The following LMBRD2 variants were observed in gnomAD, a reference collection of about 807,000 sequenced individuals.
The protein encoded by LMBRD2 is LMBR1 domain containing 2.
A neutral mutation model predicts 94.4 loss-of-function variants in LMBRD2; 55 were observed. That is an observed-to-expected ratio of 0.58 (90% CI 0.47 to 0.73). The LOEUF is 0.73. Among genes scored for constraint, LMBRD2 ranks in the 30% least tolerant of loss-of-function variants. The pLI is 0.00. For missense variants in LMBRD2, 640 were observed against 831.9 expected (o/e 0.77, Z 2.84); for synonymous variants, 246 against 272.4 (o/e 0.90, Z 0.95).
At chr5:36,106,120 C>T (rs1045805631) in intron 16 of LMBRD2, among the ~76,000 whole-genome samples, 3 of 152,106 alleles carry the variant, frequency 2.0e-5, no homozygotes, top group Non-Finnish European at 2.9e-5. Flanking sequence ...CTTTGTGACT[C>T]CTCTTCTTTT....
chr5:36,149,321 T>C (rs1744631456), intron 1 of LMBRD2, among the ~76,000 whole-genome samples: 1 of 152,084 alleles, frequency 6.6e-6, no homozygotes, highest in African/African-American at 2.4e-5. Flanking sequence ...ACAGAGACTA[T>C]CAGTTCTGGA....
intron 1 of LMBRD2, among the ~76,000 whole-genome samples, chr5:36,147,221 A>T (rs548477255): frequency 2.4e-4 from 37 of 152,300 alleles, no homozygotes; most frequent in African/African-American, 7.0e-4. Context: ...AGGACCAGTG[A>T]TCCCATGAAA....
Position 36,109,932 on chromosome 5 carries a change from A to C in LMBRD2, c.1791+13T>G. 6.4e-7 allele frequency: 1 copy of C among 1,572,310 alleles called. No homozygotes were observed. The stretch of plus-strand genomic sequence containing the variant: ...ATTAATCTTCAGATTACAGAAATTA[A>C]TACTGTACTTACTCTTCTTCGATTT... On this transcript the variant is annotated intron_variant, in intron 15 of 17. Transcript: ENST00000296603.
At chr5:36,105,315 TAAG>T in intron 16 of LMBRD2, 118 bp from the exon 17 acceptor site, 1 of 835,156 alleles carries the variant, frequency 1.2e-6, no homozygotes, top group Non-Finnish European at 1.9e-6. Flanking sequence ...ACAAAGAACA[TAAG>T]AAAAGATAAC....
chr5:36,136,671 C>T, intron 5 of LMBRD2, 152 bp from the exon 6 acceptor site: 1 of 657,772 alleles, frequency 1.5e-6, no homozygotes, highest in Non-Finnish European at 2.6e-6. Context: ...ATATATTTTC[C>T]CAAAGGAAAC....
At chr5:36,133,997 G>A (rs1287329537) in intron 6 of LMBRD2, among the ~76,000 whole-genome samples, 4 of 151,748 alleles carry the variant, frequency 2.6e-5, no homozygotes, top group Non-Finnish European at 4.4e-5. Context: ...TGGATGGAAC[G>A]CTATCAAACT....
In LMBRD2 at chr5:36,122,343, GAACA is replaced by G; in HGVS notation, c.1053_1056del (p.Val352ThrfsTer46). ...TCTGGCTCTGGCGATTGAAAGGTGTGAACAAACTGATGAGTAGCACTAGTTTCAT... is the reference window on the plus strand; with the variant it reads ...TCTGGCTCTGGCGATTGAAAGGTGTGAACTGATGAGTAGCACTAGTTTCAT... On this transcript the variant is annotated frameshift_variant, in exon 9 of 18. Coordinates refer to ENST00000296603, the MANE Select transcript of LMBRD2 (RefSeq NM_001007527.2). LOFTEE classifies it high-confidence loss of function. 6.2e-7 allele frequency: 1 copy of G among 1,612,418 alleles called. No individual in the cohort carries two copies.
intron 1 of LMBRD2, among the ~76,000 whole-genome samples, chr5:36,145,469 A>G (rs1579531136): frequency 6.6e-6 from 1 of 152,232 alleles, no homozygotes; most frequent in African/African-American, 2.4e-5. Flanking sequence ...CAAGTGATCC[A>G]CCTGCCTCAG....
chr5:36,137,507 G>T, intron 4 of LMBRD2, 66 bp from the exon 5 acceptor site: 1 of 1,081,248 alleles, frequency 9.2e-7, no homozygotes, highest in Non-Finnish European at 1.3e-6. Context: ...ATCTCAAAGT[G>T]CCAGAAATAT....
intron 10 of LMBRD2, 94 bp from the exon 11 acceptor site, chr5:36,116,687 G>C: frequency 7.6e-7 from 1 of 1,313,160 alleles, no homozygotes; most frequent in Non-Finnish European, 1.1e-6. Flanking sequence ...TTTTTCTTTT[G>C]TTTTTTTGAG....
intron 4 of LMBRD2, among the ~76,000 whole-genome samples, chr5:36,139,433 G>C (rs971712160): frequency 1.3e-5 from 2 of 152,178 alleles, no homozygotes; most frequent in African/African-American, 4.8e-5. Context: ...AGGCAGATAG[G>C]CTCCTGGGCA....
At chr5:36,110,072 A>C in intron 14 of LMBRD2, 81 bp from the exon 15 acceptor site, 2 of 1,019,430 alleles carry the variant, frequency 2.0e-6, no homozygotes, top group East Asian at 2.4e-5. Context: ...GATAGCGGGC[A>C]ATGACCAGTA....
intron 1 of LMBRD2, among the ~76,000 whole-genome samples, chr5:36,146,940 G>T (rs1429912424): frequency 2.8e-5 from 2 of 70,262 alleles, no homozygotes; most frequent in African/African-American, 1.5e-4. Flanking sequence ...GTGTGTGTGT[G>T]AGTGTGTGTG....
Position 36,111,190 on chromosome 5 carries a change from T to C in LMBRD2, c.1709A>G (p.Asp570Gly). The part of the protein sequence containing the change: ...QFMGDDDMTS[D>G]LVNEGKELIR... ...TAATTCTTTTCCTTCATTAACTAAG[T>C]CTGATGTCATATCATCATCTCCCAT... Residue 570 changes from aspartate (D) to glycine (G), a missense_variant, in exon 14 of 18, where the codon GAC becomes GGC. By Grantham distance (94) the Asp-to-Gly change is moderately conservative. Coordinates refer to ENST00000296603, the MANE Select transcript of LMBRD2 (RefSeq NM_001007527.2). 1 of 1,610,582 alleles carries C rather than the reference T, an allele frequency of 6.2e-7. No individual in the cohort carries two copies. The highest frequency in any genetic ancestry group is 8.5e-7 in the Non-Finnish European group (1 of 1,177,598).
chr5:36,117,113 A>G (rs1743766054), intron 10 of LMBRD2, among the ~76,000 whole-genome samples: 1 of 152,110 alleles, frequency 6.6e-6, no homozygotes, highest in South Asian at 2.1e-4. Flanking sequence ...AAAGTTTCGA[A>G]TCTACCTTCT....
chr5:36,116,053 C>T (rs1400457061), intron 11 of LMBRD2, among the ~76,000 whole-genome samples: 1 of 152,196 alleles, frequency 6.6e-6, no homozygotes, highest in Non-Finnish European at 1.5e-5. Context: ...GAAGACATCT[C>T]TCTAAATCCT....
At position 36,108,479 on chromosome 5, in the gene LMBRD2, T is replaced by A. The variant is rs1581040773; in HGVS notation, c.1897+55A>T. ...TGTGTATTCTAACACTCAATCTCTA[T>A]GCAAGAAAGCATAAGAAAACAATTT... On this transcript the variant is annotated intron_variant, in intron 16 of 17. Transcript: ENST00000296603. 3 of 879,960 alleles carry A rather than the reference T, an allele frequency of 3.4e-6. No individual in the cohort carries two copies. The East Asian group carries it at 7.5e-5, about 22-fold the overall frequency. The allele number at this position is 879,960 out of a possible 1,614,324, so 54.5% of individuals were successfully genotyped here.
chr5:36,145,881 T>C (rs762422133), intron 1 of LMBRD2, among the ~76,000 whole-genome samples: 1 of 152,170 alleles, frequency 6.6e-6, no homozygotes, highest in Admixed American at 6.5e-5. Context: ...CTAACAGCAA[T>C]TGAAAATTTG....
chr5:36,112,240 A>G (rs559058109), intron 13 of LMBRD2, among the ~76,000 whole-genome samples: 1 of 152,310 alleles, frequency 6.6e-6, no homozygotes, highest in African/African-American at 2.4e-5. Flanking sequence ...GTAGATGATC[A>G]TGTTAATTCT....
Sources: allele counts gnomAD v4.1 joint callset (sites outside exome capture counted in the v4.1 genomes callset), GRCh38; gene constraint gnomAD v4.1.1; transcripts MANE v1.5; gene names NCBI Gene and HGNC (gene_info 2026-07-23, HGNC 2026-07-21).